The following WWOX variants were observed in gnomAD, a reference collection of about 807,000 sequenced individuals.
The protein encoded by WWOX is WW domain-containing oxidoreductase.
In WWOX, 69 loss-of-function variants were observed where a neutral mutation model predicts 46.2. That is an observed-to-expected ratio of 1.49 (90% CI 1.23 to 1.82). WWOX has a LOEUF of 1.82. WWOX is among the 40% of genes most tolerant of loss of function. The pLI is 0.00. For missense variants in WWOX, 919 were observed against 542.6 expected, an observed-to-expected ratio of 1.69 and a Z score of -6.89; for synonymous variants, 359 against 202.6, an observed-to-expected ratio of 1.77 and a Z score of -6.56.
chr16:78,836,038 A>T (rs1205726825), intron 8 of WWOX, among the ~76,000 whole-genome samples: 1 of 152,224 alleles, frequency 6.6e-6, no homozygotes, highest in Non-Finnish European at 1.5e-5. Context: ...ATACATAGTG[A>T]CATGAAAATT....
chr16:78,399,897 G>C (rs928986790), intron 6 of WWOX, among the ~76,000 whole-genome samples: 1 of 152,160 alleles, frequency 6.6e-6, no homozygotes, highest in African/African-American at 2.4e-5. Context: ...GCTAATTCTT[G>C]TCAGCCTAAA....
intron 8 of WWOX, among the ~76,000 whole-genome samples, chr16:78,698,395 G>T (rs1177666910): frequency 6.6e-6 from 1 of 152,186 alleles, no homozygotes; most frequent in Admixed American, 6.6e-5. Flanking sequence ...GCTACATTTT[G>T]AAAATTAAAA....
At chr16:78,611,298 A>T (rs567581976) in intron 8 of WWOX, among the ~76,000 whole-genome samples, 2 of 152,316 alleles carry the variant, frequency 1.3e-5, no homozygotes, top group South Asian at 4.1e-4. Context: ...CTAGCCTTTT[A>T]TTTTAAATCC....
At chr16:78,471,564 C>T (rs1340744657) in intron 8 of WWOX, among the ~76,000 whole-genome samples, 4 of 152,184 alleles carry the variant, frequency 2.6e-5, no homozygotes, top group Non-Finnish European at 5.9e-5. Context: ...TCCATGAAAT[C>T]TCTGCAGCGA....
intron 5 of WWOX, among the ~76,000 whole-genome samples, chr16:78,191,534 G>A (rs142157933): frequency 6.6e-6 from 1 of 152,124 alleles, no homozygotes; most frequent in Non-Finnish European, 1.5e-5. Context: ...TACCTGTTTT[G>A]TACATATTAT....
chr16:79,060,297 C>T (rs992349870), intron 8 of WWOX, among the ~76,000 whole-genome samples: 2 of 152,228 alleles, frequency 1.3e-5, no homozygotes, highest in South Asian at 2.1e-4. Flanking sequence ...TTGTGCCGGC[C>T]ACACTGTGAG....
At chr16:78,507,073 C>A (rs955961205) in intron 8 of WWOX, among the ~76,000 whole-genome samples, 4 of 152,154 alleles carry the variant, frequency 2.6e-5, no homozygotes, top group African/African-American at 9.7e-5. Flanking sequence ...CAAGATCTTT[C>A]TAGCAGGAGC....
intron 8 of WWOX, among the ~76,000 whole-genome samples, chr16:78,829,925 C>T (rs2051769996): frequency 6.6e-6 from 1 of 152,246 alleles, no homozygotes; most frequent in Admixed American, 6.5e-5. Flanking sequence ...CATATACATT[C>T]AGCAGAGGAA....
intron 8 of WWOX, among the ~76,000 whole-genome samples, chr16:78,579,273 T>G (rs2044985760): frequency 6.6e-6 from 1 of 152,148 alleles, no homozygotes; most frequent in Non-Finnish European, 1.5e-5. Context: ...AGATAAGTAC[T>G]TAAATTGCAG....
intron 8 of WWOX, among the ~76,000 whole-genome samples, chr16:79,073,280 A>T (rs2048586904): frequency 6.6e-6 from 1 of 151,714 alleles, no homozygotes; most frequent in African/African-American, 2.4e-5. Flanking sequence ...CTTGGGTTCA[A>T]GTGGTTCTTC....
intron 8 of WWOX, among the ~76,000 whole-genome samples, chr16:78,964,010 A>T (rs1482412631): frequency 6.6e-6 from 1 of 152,186 alleles, no homozygotes; most frequent in Non-Finnish European, 1.5e-5. Context: ...TTTCACCTCC[A>T]CCATGATTCT....
intron 8 of WWOX, among the ~76,000 whole-genome samples, chr16:79,185,026 A>G (rs2050985660): frequency 1.3e-5 from 2 of 152,214 alleles, no homozygotes; most frequent in Non-Finnish European, 1.5e-5. Context: ...AAACACACAA[A>G]TAATTTGATT....
intron 8 of WWOX, among the ~76,000 whole-genome samples, chr16:78,708,552 T>C (rs942574045): frequency 6.6e-6 from 1 of 152,132 alleles, no homozygotes; most frequent in Non-Finnish European, 1.5e-5. Flanking sequence ...TCATGACAAC[T>C]GCCCTGAAAG....
intron 8 of WWOX, among the ~76,000 whole-genome samples, chr16:78,868,833 C>G (rs944167143): frequency 2.6e-5 from 4 of 152,174 alleles, no homozygotes; most frequent in South Asian, 2.1e-4. Flanking sequence ...TGCAGCTCTT[C>G]TAGTCCTTAT....
At chr16:78,230,371 A>G (rs1286404511) in intron 5 of WWOX, among the ~76,000 whole-genome samples, 1 of 152,242 alleles carries the variant, frequency 6.6e-6, no homozygotes, top group Non-Finnish European at 1.5e-5. Flanking sequence ...GGAAATGGAC[A>G]GGTAACATGA....
At chr16:78,976,730 A>G (rs368443450) in intron 8 of WWOX, among the ~76,000 whole-genome samples, 226 of 152,336 alleles carry the variant, frequency 1.5e-3, no homozygotes, top group African/African-American at 4.8e-3. Context: ...TACTACTTCT[A>G]TCTTCCCCAC....
In WWOX at chr16:78,099,814, G is replaced by T. The variant is rs1438602210; in HGVS notation, c.36G>T (p.Thr12=). Residue 12 remains threonine, a synonymous_variant, in exon 1 of 9, where the codon ACG becomes ACT. Coordinates refer to ENST00000566780, the MANE Select transcript of WWOX (RefSeq NM_016373.4). ...AALRYAGLDD[T]DSEDELPPGW... ...TGCGCTACGCGGGGCTGGACGACAC[G>T]GACAGTGAGGACGAGCTGCCTCCGG... 3 of 1,577,428 alleles carry T rather than the reference G, an allele frequency of 1.9e-6. No individual in the cohort carries two copies. The highest frequency in any genetic ancestry group is 2.6e-6 in the Non-Finnish European group (3 of 1,162,902).
intron 4 of WWOX, among the ~76,000 whole-genome samples, chr16:78,132,428 G>C (rs1391969613): frequency 6.6e-6 from 1 of 152,186 alleles, no homozygotes; most frequent in Non-Finnish European, 1.5e-5. Flanking sequence ...GTCACCATCA[G>C]CTTGAACAAA....
chr16:78,733,610 C>T (rs1283080471), intron 8 of WWOX, among the ~76,000 whole-genome samples: 4 of 151,232 alleles, frequency 2.6e-5, no homozygotes, highest in Admixed American at 1.3e-4. Flanking sequence ...AAAAAATTAG[C>T]CGGGTATGGT....
Sources: gnomAD v4.1 joint callset for allele counts (sites outside exome capture counted in the v4.1 genomes callset) on GRCh38, gnomAD v4.1.1 for gene constraint, MANE v1.5 for transcripts, NCBI Gene and HGNC (gene_info 2026-07-23, HGNC 2026-07-21) for gene names.